The following AMACR variants were observed in gnomAD, a reference collection of about 807,000 sequenced individuals.
AMACR encodes alpha-methylacyl-CoA racemase.
A neutral mutation model predicts 22.2 loss-of-function variants in AMACR; 18 were observed. The ratio of observed to expected loss-of-function variants is 0.81; its 90% CI spans 0.56 to 1.20. AMACR has a LOEUF of 1.20. Ranked by LOEUF, AMACR falls within the 50% of genes most tolerant of loss-of-function variation. The probability of loss-of-function intolerance (pLI) is 0.00; values close to 1 mark genes in which losing one functional copy is unlikely to be tolerated. For missense variants in AMACR, 499 were observed against 490.6 expected (o/e 1.02, Z -0.16); for synonymous variants, 213 against 191.3 (o/e 1.11, Z -0.94).
chr5:34,007,981 G>A lies in AMACR; in HGVS notation c.39C>T (p.Gly13=), dbSNP rs998840712. The change falls in exon 1 of 5, where the codon GGC becomes GGT. Residue 13 remains glycine, a synonymous_variant. Transcript: ENST00000335606. ...LQGISVVELS[G]LAPGPFCAMV... ...TAGCACAGAACGGGCCCGGGGCCAG[G>A]CCGGACAGCTCCACGACCGAGATGC... The A allele has an allele frequency of 6.2e-7, 1 of 1,611,614 alleles. No individual in the cohort carries two copies. Among genetic ancestry groups the A allele is most frequent in the Non-Finnish European group, 8.5e-7 (1 of 1,179,760 alleles).
At chr5:33,997,921 T>C (rs1293764136) in intron 4 of AMACR, among the ~76,000 whole-genome samples, 2 of 152,182 alleles carry the variant, frequency 1.3e-5, no homozygotes, top group African/African-American at 4.8e-5. Context: ...AACGTAACAA[T>C]GAAACTCTAA....
chr5:34,008,015 G>A lies in AMACR; in HGVS notation c.5C>T (p.Ala2Val), dbSNP rs370621933. 3.1e-6 allele frequency: 5 copies of A among 1,610,466 alleles called. No individual in the cohort carries two copies. Among genetic ancestry groups the A allele is most frequent in the Non-Finnish European group, 2.5e-6 (3 of 1,179,732 alleles). Reference sequence around the variant, plus strand: ...CTCCACGACCGAGATGCCCTGCAGTGCCATGGCGCTTCCCAGTGCCCCGCT... The same window carrying A: ...CTCCACGACCGAGATGCCCTGCAGTACCATGGCGCTTCCCAGTGCCCCGCT... Reference protein sequence around the residue: MALQGISVVELS... With the variant: MVLQGISVVELS... Residue 2 changes from alanine to valine, a missense_variant, in exon 1 of 5, where the codon GCA becomes GTA. Transcript: ENST00000335606.
intron 3 of AMACR, among the ~76,000 whole-genome samples, chr5:34,001,661 G>A (rs1753822960): frequency 1.3e-5 from 2 of 152,154 alleles, no homozygotes; most frequent in Non-Finnish European, 2.9e-5. Flanking sequence ...ACAGCAAAAC[G>A]CACTCCATAT....
chr5:33,990,569 C>T (rs577816647), intron 4 of AMACR, among the ~76,000 whole-genome samples: 5 of 152,308 alleles, frequency 3.3e-5, no homozygotes, highest in African/African-American at 9.6e-5. Context: ...CCTTTTTCTT[C>T]CCCATATAAG....
intron 4 of AMACR, chr5:33,997,816 T>C (rs1753690083): frequency 2.3e-6 from 1 of 435,614 alleles, no homozygotes; most frequent in South Asian, 4.7e-5. Flanking sequence ...AATTACTCCA[T>C]CAGATAAGAA....
chr5:34,007,646 G>T, intron 1 of AMACR, 127 bp downstream of exon 1: 1 of 1,355,602 alleles, frequency 7.4e-7, no homozygotes. Context: ...AAATCTGGAA[G>T]GCTGGGGCCG....
intron 4 of AMACR, 82 bp downstream of exon 4, chr5:33,998,559 A>G (rs1328405763): frequency 2.8e-6 from 4 of 1,426,652 alleles, no homozygotes; most frequent in African/African-American, 2.9e-5. Flanking sequence ...AAGACATCCT[A>G]GATGCCAAAA....
chr5:33,996,226 A>C (rs940426854), intron 4 of AMACR, among the ~76,000 whole-genome samples: 18 of 152,318 alleles, frequency 1.2e-4, no homozygotes, highest in Admixed American at 9.1e-4. Flanking sequence ...ATTGCAGCTC[A>C]TAAGATGCTG....
At chr5:34,006,866 A>C (rs899639992) in intron 1 of AMACR, among the ~76,000 whole-genome samples, 1 of 152,242 alleles carries the variant, frequency 6.6e-6, no homozygotes, top group Non-Finnish European at 1.5e-5. Context: ...ACTTGAACAA[A>C]GTTATTCTGG....
intron 4 of AMACR, among the ~76,000 whole-genome samples, chr5:33,997,989 T>C (rs1172916626): frequency 6.6e-6 from 1 of 152,240 alleles, no homozygotes; most frequent in Non-Finnish European, 1.5e-5. Context: ...TCAGAGTATA[T>C]TCTAAAACTT....
chr5:33,989,836 T>C (rs1168157965), intron 4 of AMACR, among the ~76,000 whole-genome samples: 3 of 152,230 alleles, frequency 2.0e-5, no homozygotes, highest in Admixed American at 6.5e-5. Context: ...CCAGTCATAC[T>C]GAGCTAAAAT....
At chr5:33,994,759 G>A (rs253190) in intron 4 of AMACR, among the ~76,000 whole-genome samples, 22,396 of 151,994 alleles carry the variant, frequency 0.15, 2,050 homozygotes, top group African/African-American at 0.26. Flanking sequence ...AGAGGGGGCT[G>A]TAAAAAAATC....
Position 33,989,424 on chromosome 5 carries a change from T to C in AMACR, c.818A>G (p.Asp273Gly), listed in dbSNP as rs1049451904. The C allele has an allele frequency of 4.3e-6, 7 of 1,614,082 alleles. No individual in the cohort carries two copies. The highest frequency in any genetic ancestry group is 4.0e-5 in the African/African-American group (3 of 74,922). Residue 273 changes from aspartate to glycine, a missense_variant, in exon 5 of 5, where the codon GAT (aspartate) becomes GGT (glycine). Asp to Gly is a moderately conservative substitution (Grantham distance 94). Coordinates refer to ENST00000335606, the MANE Select transcript of AMACR (RefSeq NM_014324.6). ...DWPEMKKKFA[D>G]VFAEKTKAEW... Reference sequence around the variant, plus strand: ...TGCCTTCGTCTTCTCTGCAAATACATCTGCAAACTTCTTCTTCATTTCTGG... The same window carrying C: ...TGCCTTCGTCTTCTCTGCAAATACACCTGCAAACTTCTTCTTCATTTCTGG...
chr5:33,994,158 G>A lies in AMACR; in HGVS notation c.739+4483C>T, dbSNP rs1371161722. 14 of 429,792 alleles carry A rather than the reference G, an allele frequency of 3.3e-5. No homozygotes were observed. In the East Asian group the frequency reaches 9.3e-4, roughly 28 times the overall value. The allele number at this position is 429,792 out of a possible 1,614,324, so 26.6% of individuals were successfully genotyped here. A position where few individuals can be genotyped will look rare whatever the true frequency, so the allele number is the denominator to read the frequency against. Reference sequence around the variant, plus strand: ...GGGGAGTAAATTAGATATGTAATTAGTACTACCTCAAAAATTATTACTATT... The same window carrying A: ...GGGGAGTAAATTAGATATGTAATTAATACTACCTCAAAAATTATTACTATT... On this transcript the variant is annotated intron_variant, in intron 4 of 4. Coordinates refer to ENST00000335606, the MANE Select transcript of AMACR (RefSeq NM_014324.6).
chr5:34,000,574 C>T (rs370929593), intron 3 of AMACR, among the ~76,000 whole-genome samples: 2 of 151,956 alleles, frequency 1.3e-5, no homozygotes, highest in African/African-American at 4.8e-5. Flanking sequence ...CTCAGCTCAC[C>T]GTAACCTCCA....
At chr5:33,998,494 C>A in intron 4 of AMACR, 147 bp downstream of exon 4, 1 of 724,454 alleles carries the variant, frequency 1.4e-6, no homozygotes, top group East Asian at 2.8e-5. Context: ...TGGAAAATGC[C>A]CCACATTATA....
Position 33,998,641 on chromosome 5 carries a change from C to T in AMACR, c.739G>A (p.Gly247Arg). The change falls in exon 4 of 5, where the codon GGA (glycine) becomes AGA (arginine). Residue 247 changes from glycine to arginine, a missense_variant and splice_region_variant. Gly to Arg is a moderately radical substitution (Grantham distance 125). Coordinates refer to ENST00000335606, the MANE Select transcript of AMACR (RefSeq NM_014324.6). ...EPQFYELLIK[G>R]LGLKSDELPN... ...GGGGAGACGCGTGAAGTTCACTTAC[C>T]TTTGATCAGCAGCTCGTAGAACTGG... is the stretch of plus-strand genomic sequence containing the variant. 3 of 1,605,824 alleles carry T rather than the reference C, an allele frequency of 1.9e-6. No homozygotes were observed. Among genetic ancestry groups the T allele is most frequent in the Non-Finnish European group, 2.6e-6 (3 of 1,174,766 alleles).
At chr5:33,996,114 T>C (rs1021379424) in intron 4 of AMACR, among the ~76,000 whole-genome samples, 7 of 152,170 alleles carry the variant, frequency 4.6e-5, no homozygotes, top group Non-Finnish European at 7.3e-5. Flanking sequence ...TCTCAGGGCT[T>C]GTCTTTCTGA....
rs73077164 is a variant in AMACR at position 33,996,992 on chromosome 5, C to A, written c.739+1649G>T. The stretch of plus-strand genomic sequence containing the variant: ...TGTCACATTAAATTATTTAAAATGT[C>A]CAGTATTTTTTTTTAATTTTACACG... On this transcript the variant is annotated intron_variant, in intron 4 of 4. Transcript: ENST00000335606. The A allele has an allele frequency of 6.8e-3, 4,166 of 610,504 alleles. 127 individuals carry two copies. The African/African-American group carries it at 0.069, about 10-fold the overall frequency. The allele number at this position is 610,504 out of a possible 1,614,324, so 37.8% of individuals were successfully genotyped here.
Sources: allele counts gnomAD v4.1 joint callset (sites outside exome capture counted in the v4.1 genomes callset), GRCh38; gene constraint gnomAD v4.1.1; transcripts MANE v1.5; gene names NCBI Gene and HGNC (gene_info 2026-07-23, HGNC 2026-07-21).